The following FAM234A variants were observed in gnomAD, a reference collection of about 807,000 sequenced individuals.
FAM234A encodes the protein protein FAM234A.
A neutral mutation model predicts 49.1 loss-of-function variants in FAM234A; 42 were observed. That is an observed-to-expected ratio of 0.86 (90% CI 0.67 to 1.11). The LOEUF (loss-of-function observed/expected upper bound fraction) is 1.11. Among genes scored for constraint, FAM234A ranks in the 50% least tolerant of loss-of-function variants. The probability of loss-of-function intolerance (pLI) is 0.00; values close to 1 mark genes in which losing one functional copy is unlikely to be tolerated. For synonymous variants in FAM234A, 369 were observed against 316.2 expected (o/e 1.17, Z -1.77); for missense variants, 815 against 745.2 (o/e 1.09, Z -1.09).
chr16:265,135 A>G lies in FAM234A; in HGVS notation c.*113A>G. 3 of 1,458,306 alleles carry G rather than the reference A, an allele frequency of 2.1e-6. No individual in the cohort carries two copies. The highest frequency in any genetic ancestry group is 2.7e-6 in the Non-Finnish European group (3 of 1,109,994). The allele number at this position is 1,458,306 out of a possible 1,614,324, so 90.3% of individuals were successfully genotyped here. On this transcript the variant is annotated 3_prime_UTR_variant, in exon 13 of 13. Coordinates refer to ENST00000399932, the MANE Select transcript of FAM234A (RefSeq NM_032039.4). ...GACTCCCCCACTCCTGACCCTGGTG[A>G]TGGTCGCCACTGGGCAGCAGCAGCC...
Position 262,063 on chromosome 16 carries a change from CTCTTCCTGTG to C in FAM234A, c.709-27_709-18del. On this transcript the variant is annotated intron_variant, in intron 6 of 12. Coordinates refer to ENST00000399932, the MANE Select transcript of FAM234A (RefSeq NM_032039.4). ...CTTGCAGCCCCAGGCTCAGGTCCCTCTCTTCCTGTGTCATCCTGTGTCATTGCAGGTTAGT... is the reference window on the plus strand; with the variant it reads ...CTTGCAGCCCCAGGCTCAGGTCCCTCTCATCCTGTGTCATTGCAGGTTAGT... The C allele has an allele frequency of 6.2e-7, 1 of 1,607,696 alleles. No homozygotes were observed. Among genetic ancestry groups the C allele is most frequent in the Non-Finnish European group, 8.5e-7 (1 of 1,176,326 alleles).
At chr16:269,826 T>C, downstream of FAM234A, 1 of 500,652 alleles carries the variant, frequency 2.0e-6, no homozygotes, top group Non-Finnish European at 3.6e-6. Context: ...TGGCCACGTG[T>C]AGAGGAATAA....
rs1207506216 is a variant in FAM234A at position 262,528 on chromosome 16, A to G, written c.946A>G (p.Thr316Ala). The part of the protein sequence containing the change: ...DPHWESMLNA[T>A]TRRMLSHSSG... ...GCACTGGGAGAGCATGCTCAATGCC[A>G]CCACCCGCAGGATGCTTTCCCACAG... The change falls in exon 8 of 13, where the codon ACC (threonine) becomes GCC (alanine). Residue 316 changes from threonine to alanine, a missense_variant. Thr to Ala is a moderately conservative substitution (Grantham distance 58). Transcript: ENST00000399932. The G allele has an allele frequency of 1.2e-6, 2 of 1,608,740 alleles. No homozygotes were observed. The highest frequency in any genetic ancestry group is 1.3e-5 in the African/African-American group (1 of 74,724).
Position 254,566 on chromosome 16 carries a change from G to A in FAM234A, c.153G>A (p.Ala51=), listed in dbSNP as rs371933453. ...QSRLSRCRAA[A]FFLSLFLCLF... is the part of the protein sequence containing the mutation. ...GGCTCTCCCGGTGCCGAGCGGCGGC[G>A]TTTTTTCTTTCATTGTTTCTCTGCC... is the stretch of plus-strand genomic sequence containing the variant. The change falls in exon 3 of 13, where the codon GCG becomes GCA. Residue 51 remains alanine, a synonymous_variant. Transcript: ENST00000399932. 14 of 1,614,048 alleles carry A rather than the reference G, an allele frequency of 8.7e-6. No individual in the cohort carries two copies. The highest frequency in any genetic ancestry group is 2.7e-5 in the African/African-American group (2 of 74,926).
chr16:257,206 A>G (rs1040712002), intron 3 of FAM234A, among the ~76,000 whole-genome samples: 1 of 137,872 alleles, frequency 7.3e-6, no homozygotes, highest in East Asian at 2.3e-4. Context: ...GTGTCCTTCG[A>G]TGCATAAAAG....
chr16:235,475 C>G (rs147293971), intron 1 of FAM234A, among the ~76,000 whole-genome samples: 230 of 152,262 alleles, frequency 1.5e-3, no homozygotes, highest in Admixed American at 2.6e-3. Flanking sequence ...GTTCCTGGCT[C>G]TCCCCTACGT....
intron 6 of FAM234A, among the ~76,000 whole-genome samples, 186 bp from the exon 7 acceptor site, chr16:261,907 C>T (rs918636668): frequency 3.3e-5 from 5 of 152,210 alleles, no homozygotes; most frequent in African/African-American, 4.8e-5. Flanking sequence ...AAACCAAGAG[C>T]CTGTGGGCCC....
downstream of FAM234A, chr16:268,534 G>T (rs901981997): frequency 1.7e-6 from 1 of 578,492 alleles, no homozygotes; most frequent in African/African-American, 1.9e-5. Flanking sequence ...ACTTGGGCAG[G>T]GAGGATCAGG....
intron 1 of FAM234A, among the ~76,000 whole-genome samples, chr16:235,621 A>G (rs529576059): frequency 3.3e-5 from 5 of 152,152 alleles, no homozygotes; most frequent in Non-Finnish European, 7.3e-5. Flanking sequence ...GCTCCCTTCC[A>G]TGTACTGGCT....
downstream of FAM234A, chr16:269,212 T>C: frequency 7.8e-7 from 1 of 1,286,106 alleles, no homozygotes; most frequent in Non-Finnish European, 1.1e-6. Flanking sequence ...GGGTGGCTGC[T>C]GCATTCACGC....
At position 262,080 on chromosome 16, in the gene FAM234A, T is replaced by G. The variant is rs1315911282; in HGVS notation, c.709-13T>G. On this transcript the variant is annotated splice_polypyrimidine_tract_variant and intron_variant, in intron 6 of 12. Coordinates refer to ENST00000399932, the MANE Select transcript of FAM234A (RefSeq NM_032039.4). ...AGGTCCCTCTCTTCCTGTGTCATCC[T>G]GTGTCATTGCAGGTTAGTGGCCACC... 1.2e-6 allele frequency: 2 copies of G among 1,613,120 alleles called. No individual in the cohort carries two copies. The highest frequency in any genetic ancestry group is 1.3e-5 in the African/African-American group (1 of 74,866).
intron 1 of FAM234A, among the ~76,000 whole-genome samples, chr16:244,026 T>C (rs1272841922): frequency 1.3e-5 from 2 of 151,834 alleles, no homozygotes; most frequent in African/African-American, 4.8e-5. Context: ...TGGAGTGCAG[T>C]GGTGCCATCT....
chr16:247,738 AATG>A (rs1245672444), intron 1 of FAM234A, among the ~76,000 whole-genome samples: 1 of 152,030 alleles, frequency 6.6e-6, no homozygotes, highest in East Asian at 1.9e-4. Context: ...TGGCCTTATT[AATG>A]ATTTTTAAAT....
In FAM234A at chr16:261,396, G is replaced by A; in HGVS notation, c.590G>A (p.Trp197Ter). The A allele has an allele frequency of 1.2e-6, 2 of 1,612,210 alleles. No individual in the cohort carries two copies. The highest frequency in any genetic ancestry group is 1.7e-6 in the Non-Finnish European group (2 of 1,178,676). The part of the protein sequence containing the change: ...AVNLFTGETL[W>*]NHSSSFSGNA... ...TGCTTGATTCTAGGGGAAACCCTGTGGAACCACAGCAGCAGCTTCAGCGGG... is the reference window on the plus strand; with the variant it reads ...TGCTTGATTCTAGGGGAAACCCTGTAGAACCACAGCAGCAGCTTCAGCGGG... Residue 197 changes from tryptophan to a stop codon, truncating the protein, a stop_gained, in exon 6 of 13, where the codon TGG becomes TAG. Coordinates refer to ENST00000399932, the MANE Select transcript of FAM234A (RefSeq NM_032039.4). LOFTEE classifies it high-confidence loss of function.
chr16:258,650 G>T lies in FAM234A; in HGVS notation c.269-833G>T, dbSNP rs558688392. Among the ~76,000 whole-genome samples, 220 of 152,230 alleles carry T rather than the reference G, an allele frequency of 1.4e-3. 1 individual carries two copies. Among genetic ancestry groups the T allele is most frequent in the Middle Eastern group, 0.01 (3 of 294 alleles). ...AAAACCGCCATTGTCATCATGGCCCGTTCTCAATGAGCTGTTGGGTACACC... is the reference window on the plus strand; with the variant it reads ...AAAACCGCCATTGTCATCATGGCCCTTTCTCAATGAGCTGTTGGGTACACC... On this transcript the variant is annotated intron_variant, in intron 3 of 12. Transcript: ENST00000399932.
downstream of FAM234A, chr16:268,902 G>A (rs751213654): frequency 4.0e-5 from 62 of 1,550,404 alleles, no homozygotes; most frequent in Non-Finnish European, 5.0e-5. Context: ...CCGGGTATTC[G>A]CTGGCTGATT....
downstream of FAM234A, chr16:269,819 C>T (rs1035071177): frequency 1.7e-5 from 9 of 522,714 alleles, no homozygotes; most frequent in African/African-American, 1.5e-4. Flanking sequence ...GCCCTGGTGG[C>T]CACGTGTAGA....
At chr16:243,011 ACT>A (rs111709304) in intron 1 of FAM234A, among the ~76,000 whole-genome samples, 37 of 141,758 alleles carry the variant, frequency 2.6e-4, no homozygotes, top group African/African-American at 8.7e-4. Context: ...ACAAGGTCTC[ACT>A]CTGTTGCCCA....
In FAM234A at chr16:261,418, CG is replaced by C; in HGVS notation, c.615del (p.Asn206MetfsTer5). On this transcript the variant is annotated frameshift_variant, in exon 6 of 13. Coordinates refer to ENST00000399932, the MANE Select transcript of FAM234A (RefSeq NM_032039.4). LOFTEE classifies it high-confidence loss of function. ...TGTGGAACCACAGCAGCAGCTTCAG[CG>C]GGAATGCGTCCATCCTGAGCCCTCT... ...TLWNHSSSFS[G>X]NASILSPLLQ... 1 of 1,613,012 alleles carries C rather than the reference CG, an allele frequency of 6.2e-7. No homozygotes were observed. Among genetic ancestry groups the C allele is most frequent in the Non-Finnish European group, 8.5e-7 (1 of 1,179,386 alleles).
Sources: allele counts gnomAD v4.1 joint callset (sites outside exome capture counted in the v4.1 genomes callset), GRCh38; gene constraint gnomAD v4.1.1; transcripts MANE v1.5; gene names NCBI Gene and HGNC (gene_info 2026-07-23, HGNC 2026-07-21).